ABCC2: variants seen among roughly 807,000 people sequenced by gnomAD.
ABCC2 encodes ATP binding cassette subfamily C member 2, also known as ATP-binding cassette sub-family C member 2.
In ABCC2, 157 loss-of-function variants were observed where a neutral mutation model predicts 173.4. That is an observed-to-expected ratio of 0.91 (90% confidence interval 0.80 to 1.03). The LOEUF is 1.03. Ranked by LOEUF, ABCC2 falls within the 50% of genes least tolerant of loss-of-function variation. ABCC2 has a pLI of 0.00. For missense variants in ABCC2, 1,822 were observed against 1,852.3 expected (o/e 0.98, Z 0.30); for synonymous variants, 657 against 693.5 (o/e 0.95, Z 0.83).
At chr10:99,805,167 A>C (rs2038078842) in intron 10 of ABCC2, among the ~76,000 whole-genome samples, 1 of 152,146 alleles carries the variant, frequency 6.6e-6, no homozygotes, top group Non-Finnish European at 1.5e-5. Flanking sequence ...GGACAGAAAC[A>C]AGCTTGGAAC....
At chr10:99,792,815 T>C (rs1320064501) in intron 3 of ABCC2, among the ~76,000 whole-genome samples, 1 of 152,190 alleles carries the variant, frequency 6.6e-6, no homozygotes, top group Non-Finnish European at 1.5e-5. Flanking sequence ...TAGACAGTGT[T>C]TAAATAGCAA....
chr10:99,833,715 C>T (rs1407291599), intron 23 of ABCC2, among the ~76,000 whole-genome samples: 1 of 152,068 alleles, frequency 6.6e-6, no homozygotes, highest in African/African-American at 2.4e-5. Flanking sequence ...CCTGGAAGAC[C>T]ATTATCCCTG....
At position 99,811,574 on chromosome 10, in the gene ABCC2, G is replaced by C. The variant is rs750683352; in HGVS notation, c.1939G>C (p.Glu647Gln). 35 of 1,613,992 alleles carry C rather than the reference G, an allele frequency of 2.2e-5. No homozygotes were observed. Among genetic ancestry groups the C allele is most frequent in the Non-Finnish European group, 1.8e-5 (21 of 1,180,002 alleles). The change falls in exon 15 of 32, where the codon GAA (glutamate) becomes CAA (glutamine). Residue 647 changes from glutamate to glutamine, a missense_variant. Coordinates refer to ENST00000647814, the MANE Select transcript of ABCC2 (RefSeq NM_000392.5). ...MQFSEASFTWEHDSEATVRDV... is the reference protein window; with the variant it reads ...MQFSEASFTWQHDSEATVRDV... ...GTTTTCTGAGGCCTCCTTTACCTGGGAACATGATTCGGAAGCCACAGTCCG... is the reference window on the plus strand; with the variant it reads ...GTTTTCTGAGGCCTCCTTTACCTGGCAACATGATTCGGAAGCCACAGTCCG...
chr10:99,795,777 A>C (rs1480837575), intron 6 of ABCC2, among the ~76,000 whole-genome samples: 1 of 147,050 alleles, frequency 6.8e-6, no homozygotes, highest in Non-Finnish European at 1.5e-5. Flanking sequence ...GAAAGAAAGA[A>C]AGAAAGAAAG....
At chr10:99,823,694 T>C (rs1290654308) in intron 19 of ABCC2, among the ~76,000 whole-genome samples, 1 of 140,512 alleles carries the variant, frequency 7.1e-6, no homozygotes, top group Non-Finnish European at 1.5e-5. Context: ...GTCTGGTAAT[T>C]TTAGGTAGAA....
intron 3 of ABCC2, among the ~76,000 whole-genome samples, chr10:99,793,057 C>T (rs1375710972): frequency 5.1e-4 from 1 of 1,960 alleles, no homozygotes; most frequent in African/African-American, 5.8e-4. Context: ...GTTTTAGGAG[C>T]ACAGCTAGGT....
Position 99,782,808 on chromosome 10 carries a change from A to G in ABCC2, c.-37A>G. On this transcript the variant is annotated 5_prime_UTR_variant, in exon 1 of 32. The change abolishes the stop of an existing upstream ORF in the 5' untranslated region. Transcript: ENST00000647814. Reference sequence around the variant, plus strand: ...AAGAAGAAACAACACAATCATATTAATAGAAGAGTCTTCGTTCCAGACGCA... The same window carrying G: ...AAGAAGAAACAACACAATCATATTAGTAGAAGAGTCTTCGTTCCAGACGCA... 6.2e-7 allele frequency: 1 copy of G among 1,610,712 alleles called. No homozygotes were observed. Among genetic ancestry groups the G allele is most frequent in the Non-Finnish European group, 8.5e-7 (1 of 1,176,880 alleles).
chr10:99,804,576 G>A (rs975127850), intron 10 of ABCC2, among the ~76,000 whole-genome samples: 3 of 152,050 alleles, frequency 2.0e-5, no homozygotes, highest in Non-Finnish European at 2.9e-5. Context: ...TAAGAACAGG[G>A]ATTTGGGGCC....
chr10:99,831,461 G>A, intron 21 of ABCC2, 150 bp from the exon 22 acceptor site: 1 of 736,354 alleles, frequency 1.4e-6, no homozygotes. Context: ...CTGGCACAGT[G>A]CAGAAATGGT....
intron 16 of ABCC2, among the ~76,000 whole-genome samples, chr10:99,814,213 GTGTATA>G (rs1371510340): frequency 0.19 from 10,120 of 54,518 alleles, 1,771 homozygotes; most frequent in Middle Eastern, 0.26. Flanking sequence ...ATACACACAT[GTGTATA>G]TATACACACA....
intron 11 of ABCC2, 66 bp downstream of exon 11, chr10:99,805,513 G>T: frequency 6.7e-7 from 1 of 1,499,840 alleles, no homozygotes; most frequent in Non-Finnish European, 9.3e-7. Flanking sequence ...CTTGGCCTTT[G>T]CAAACCCTGG....
intron 13 of ABCC2, 118 bp downstream of exon 13, chr10:99,808,347 C>A: frequency 1.4e-6 from 2 of 1,385,170 alleles, no homozygotes; most frequent in Non-Finnish European, 2.0e-6. Flanking sequence ...AGAGAGAGAT[C>A]TGTTTGGTCT....
In ABCC2 at chr10:99,844,447, C is replaced by T; in HGVS notation, c.3969C>T (p.Asp1323=). The part of the protein sequence containing the change: ...LDLVLRGITC[D]IGSMEKIGVV... ...TGGTCCTCAGAGGGATCACTTGTGACATCGGTAGCATGGAGAAGGTAGGTG... is the reference window on the plus strand; with the variant it reads ...TGGTCCTCAGAGGGATCACTTGTGATATCGGTAGCATGGAGAAGGTAGGTG... Residue 1323 remains aspartate, a synonymous_variant, in exon 28 of 32, where the codon GAC becomes GAT. Transcript: ENST00000647814. 1 of 1,613,948 alleles carries T rather than the reference C, an allele frequency of 6.2e-7. No individual in the cohort carries two copies. The highest frequency in any genetic ancestry group is 8.5e-7 in the Non-Finnish European group (1 of 1,180,046).
Position 99,795,769 on chromosome 10 carries a change from A to T in ABCC2, c.632+1301A>T, listed in dbSNP as rs562880142. ...AAAGAAAGAAAGAAAGAAAGAAAGA[A>T]AGAAAGAAAGAAAGAAAGAAAGAAA... On this transcript the variant is annotated intron_variant, in intron 6 of 31. Coordinates refer to ENST00000647814, the MANE Select transcript of ABCC2 (RefSeq NM_000392.5). Among the ~76,000 whole-genome samples, 57 of 146,236 alleles carry T rather than the reference A, an allele frequency of 3.9e-4. 1 individual carries two copies. The highest frequency in any genetic ancestry group is 1.2e-3 in the East Asian group (6 of 5,072).
chr10:99,785,265 A>T (rs2037686008), intron 2 of ABCC2, among the ~76,000 whole-genome samples: 1 of 152,170 alleles, frequency 6.6e-6, no homozygotes, highest in African/African-American at 2.4e-5. Flanking sequence ...AGTCAGGATG[A>T]TCACTCACAG....
intron 30 of ABCC2, among the ~76,000 whole-genome samples, chr10:99,848,913 A>T (rs1293385331): frequency 1.3e-5 from 2 of 152,168 alleles, no homozygotes; most frequent in African/African-American, 4.8e-5. Context: ...GATCATTCAA[A>T]CATTCAGTCA....
chr10:99,836,556 A>G (rs1265637569), intron 25 of ABCC2, among the ~76,000 whole-genome samples: 1 of 152,174 alleles, frequency 6.6e-6, no homozygotes, highest in South Asian at 2.1e-4. Context: ...TAATGGCCAG[A>G]ACACACCCTA....
At chr10:99,819,788 G>C (rs1275711933) in intron 19 of ABCC2, among the ~76,000 whole-genome samples, 1 of 152,194 alleles carries the variant, frequency 6.6e-6, no homozygotes, top group Non-Finnish European at 1.5e-5. Flanking sequence ...AATTATGGCA[G>C]TTGCGTAGTC....
intron 11 of ABCC2, among the ~76,000 whole-genome samples, chr10:99,806,061 GTCTC>G (rs951981564): frequency 3.5e-5 from 4 of 114,574 alleles, no homozygotes; most frequent in Admixed American, 1.0e-4. Context: ...ATCTACTACA[GTCTC>G]TCTCTCTCTG....
Sources: gnomAD v4.1 joint callset for allele counts (sites outside exome capture counted in the v4.1 genomes callset) on GRCh38, gnomAD v4.1.1 for gene constraint, MANE v1.5 for transcripts, NCBI Gene and HGNC (gene_info 2026-07-23, HGNC 2026-07-21) for gene names.